Variants in TTLL3 observed in about 807,000 individuals in gnomAD.
TTLL3 encodes tubulin tyrosine ligase like 3, also known as tubulin monoglycylase TTLL3.
Under a neutral mutation model 75.2 loss-of-function variants are expected in TTLL3, and 63 were observed. The observed-to-expected ratio is 0.84, with a 90% CI of 0.68 to 1.03. The LOEUF (loss-of-function observed/expected upper bound fraction) is 1.03. Ranked by LOEUF, TTLL3 falls within the 50% of genes least tolerant of loss-of-function variation. TTLL3 has a pLI of 0.00. For synonymous variants in TTLL3, 393 were observed against 418.5 expected (o/e 0.94, Z 0.74); for missense variants, 997 against 1,069.9 (o/e 0.93, Z 0.95).
At chr3:9,812,539 C>T (rs1267436245) in intron 2 of TTLL3, among the ~76,000 whole-genome samples, 1 of 151,570 alleles carries the variant, frequency 6.6e-6, no homozygotes, top group Admixed American at 6.6e-5. Context: ...GGCGTGGTGG[C>T]ATACACCTGT....
In TTLL3 at chr3:9,829,260, C is replaced by A. The variant is rs767686533; in HGVS notation, c.1548C>A (p.Ser516Arg). 2 of 1,614,228 alleles carry A rather than the reference C, an allele frequency of 1.2e-6. No individual in the cohort carries two copies. The highest frequency in any genetic ancestry group is 2.2e-5 in the East Asian group (1 of 44,888). The change falls in exon 11 of 14, where the codon AGC becomes AGA. Residue 516 changes from serine to arginine, a missense_variant. Ser to Arg is a moderately radical substitution (Grantham distance 110). Transcript: ENST00000685419. ...FQPWLIEINASPTMAPSTAVT... is the reference protein window; with the variant it reads ...FQPWLIEINARPTMAPSTAVT... ...CCTGGCTGATTGAGATCAACGCCAG[C>A]CCCACGATGGCACCCTCCACAGCAG...
At chr3:9,834,197 C>G (rs938245262) in intron 12 of TTLL3, 2 of 346,240 alleles carry the variant, frequency 5.8e-6, no homozygotes, top group Non-Finnish European at 1.1e-5. Flanking sequence ...TGACTTATTT[C>G]AAAGATGACC....
At position 9,829,160 on chromosome 3, in the gene TTLL3, A is replaced by G. The variant is rs376362741; in HGVS notation, c.1448A>G (p.Gln483Arg). 4 of 1,614,094 alleles carry G rather than the reference A, an allele frequency of 2.5e-6. No individual in the cohort carries two copies. Among genetic ancestry groups the G allele is most frequent in the African/African-American group, 1.3e-5 (1 of 74,940 alleles). The change falls in exon 11 of 14, where the codon CAG (glutamine) becomes CGG (arginine). Residue 483 changes from glutamine to arginine, a missense_variant. Transcript: ENST00000685419. ...GTGATCCACGCACTTCAGACCTCCCAGGACACCGTGCAGTGTCGGAAGGCC... is the reference window on the plus strand; with the variant it reads ...GTGATCCACGCACTTCAGACCTCCCGGGACACCGTGCAGTGTCGGAAGGCC... ...DAVIHALQTS[Q>R]DTVQCRKASF...
chr3:9,824,119 G>A (rs748014614), intron 8 of TTLL3, among the ~76,000 whole-genome samples: 11 of 152,176 alleles, frequency 7.2e-5, no homozygotes, highest in South Asian at 2.1e-4. Flanking sequence ...CTGCTCTTAC[G>A]GAGTTTACAT....
chr3:9,824,052 C>A (rs1325388828), intron 8 of TTLL3, among the ~76,000 whole-genome samples: 1 of 152,126 alleles, frequency 6.6e-6, no homozygotes, highest in African/African-American at 2.4e-5. Flanking sequence ...CTGCTGAGTG[C>A]CAGGTGTGGT....
intron 8 of TTLL3, among the ~76,000 whole-genome samples, chr3:9,822,270 TGCAG>T (rs1191752628): frequency 6.6e-6 from 1 of 151,416 alleles, no homozygotes; most frequent in East Asian, 2.0e-4. Context: ...GGTTTCACTA[TGCAG>T]GCCAGACTGG....
At chr3:9,809,854 C>T, upstream of TTLL3, 1 of 561,562 alleles carries the variant, frequency 1.8e-6, no homozygotes, top group Non-Finnish European at 2.7e-6. Flanking sequence ...TGATGGTGCC[C>T]AGGGAATGGT....
chr3:9,819,036 C>T lies in TTLL3; in HGVS notation c.658+116C>T, dbSNP rs1315778985. The stretch of plus-strand genomic sequence containing the variant: ...CCACGCACCTACTGGTTCATCCACA[C>T]ATCTGTGTATGATTCACATCTACCC... On this transcript the variant is annotated intron_variant, in intron 7 of 13. Coordinates refer to ENST00000685419, the MANE Select transcript of TTLL3 (RefSeq NM_001387446.1). The T allele has an allele frequency of 9.0e-6, 12 of 1,328,644 alleles. 1 individual carries two copies. In the African/African-American group the frequency reaches 1.3e-4, roughly 14 times the overall value. 82.3% of individuals were successfully genotyped at this position (1,328,644 alleles called of 1,614,324 possible).
At position 9,820,748 on chromosome 3, in the gene TTLL3, C is replaced by A; in HGVS notation, c.854+7C>A. On this transcript the variant is annotated splice_region_variant and intron_variant, in intron 8 of 13. Coordinates refer to ENST00000685419, the MANE Select transcript of TTLL3 (RefSeq NM_001387446.1). ...GCTACTACCAAGTGGTCCAGTGAGT[C>A]CCCTGCAGCTGGGACTTTGGGCTGT... 4 of 1,613,608 alleles carry A rather than the reference C, an allele frequency of 2.5e-6. No homozygotes were observed. The highest frequency in any genetic ancestry group is 3.4e-6 in the Non-Finnish European group (4 of 1,179,790).
chr3:9,825,321 G>C (rs1324107959), intron 8 of TTLL3: 3 of 186,156 alleles, frequency 1.6e-5, no homozygotes, highest in African/African-American at 2.8e-5. Context: ...CTGGGTGACA[G>C]ACCAAGACCC....
Position 9,810,558 on chromosome 3 carries a change from C to T in TTLL3, c.-41-63C>T. ...GTGGCTATGGGCGGCCAGAAAAGAT[C>T]CTAGGCCGAGACCCTAGGCCCAGCC... On this transcript the variant is annotated intron_variant, in intron 1 of 13. Coordinates refer to ENST00000685419, the MANE Select transcript of TTLL3 (RefSeq NM_001387446.1). The surrounding 1 kb of genome is among the most constrained non-coding windows in gnomAD (Gnocchi z 4.4). The T allele has an allele frequency of 1.3e-6, 2 of 1,515,688 alleles. No homozygotes were observed. The highest frequency in any genetic ancestry group is 4.4e-5 in the Admixed American group (2 of 45,126). The allele number at this position is 1,515,688 out of a possible 1,614,324, so 93.9% of individuals were successfully genotyped here. A position where few individuals can be genotyped will look rare whatever the true frequency, so the allele number is the denominator to read the frequency against.
chr3:9,835,009 C>T lies in TTLL3; in HGVS notation c.2053-85C>T, dbSNP rs1014943832. On this transcript the variant is annotated intron_variant, in intron 13 of 13. Transcript: ENST00000685419. Reference sequence around the variant, plus strand: ...GCAGCTCCCAGGCTGGCTGGCACCCCAAGGGAAGAGCTGGTCTCCCTCAGA... The same window carrying T: ...GCAGCTCCCAGGCTGGCTGGCACCCTAAGGGAAGAGCTGGTCTCCCTCAGA... 5 of 1,599,086 alleles carry T rather than the reference C, an allele frequency of 3.1e-6. No individual in the cohort carries two copies. In the Admixed American group the frequency reaches 6.8e-5, roughly 22 times the overall value.
In TTLL3 at chr3:9,816,205, G is replaced by T; in HGVS notation, c.444+3G>T. Reference sequence around the variant, plus strand: ...GGGCTGGCTCCTTTACCACAAAGGTGGGCTCCCTAGAGGAGCAGGCAGGGC... The same window carrying T: ...GGGCTGGCTCCTTTACCACAAAGGTTGGCTCCCTAGAGGAGCAGGCAGGGC... On this transcript the variant is annotated splice_donor_region_variant and intron_variant, in intron 5 of 13. Transcript: ENST00000685419. 1.5e-6 allele frequency: 2 copies of T among 1,349,438 alleles called. No homozygotes were observed. The highest frequency in any genetic ancestry group is 2.0e-6 in the Non-Finnish European group (2 of 1,013,688). The allele number at this position is 1,349,438 out of a possible 1,614,324, so 83.6% of individuals were successfully genotyped here.
In TTLL3 at chr3:9,835,268, C is replaced by T. The variant is rs529471478; in HGVS notation, c.2227C>T (p.Leu743=). 57 of 1,614,202 alleles carry T rather than the reference C, an allele frequency of 3.5e-5. No homozygotes were observed. The South Asian group carries it at 5.6e-4, about 16-fold the overall frequency. The stretch of plus-strand genomic sequence containing the variant: ...CTGCCCCATGAAGAGGCTGAGCCCC[C>T]TGAAACCCCTGCCCCTTGTTGGTAC... The part of the protein sequence containing the change: ...EACPMKRLSP[L]KPLPLVGTFQ... Residue 743 remains leucine (L), a synonymous_variant, in exon 14 of 14, where the codon CTG becomes TTG. Coordinates refer to ENST00000685419, the MANE Select transcript of TTLL3 (RefSeq NM_001387446.1).
At chr3:9,822,518 C>T (rs1215182850) in intron 8 of TTLL3, among the ~76,000 whole-genome samples, 2 of 151,538 alleles carry the variant, frequency 1.3e-5, no homozygotes, top group Non-Finnish European at 2.9e-5. Context: ...CATTCATTCC[C>T]TCAATATTTT....
chr3:9,827,459 G>A, intron 10 of TTLL3: 3 of 772,848 alleles, frequency 3.9e-6, no homozygotes, highest in African/African-American at 1.8e-5. Flanking sequence ...CTGGAGTGCA[G>A]TGGCATGGTC....
In TTLL3 at chr3:9,833,090, C is replaced by T; in HGVS notation, c.1684-14C>T. On this transcript the variant is annotated splice_polypyrimidine_tract_variant and intron_variant, in intron 11 of 13. Transcript: ENST00000685419. ...ACTGACTGAGTGGGCCTTGTCTCCT[C>T]TTCTTGCCCACAGCCTGCTGTGGAG... is the stretch of plus-strand genomic sequence containing the variant. The T allele has an allele frequency of 6.2e-7, 1 of 1,613,978 alleles. No individual in the cohort carries two copies. Among genetic ancestry groups the T allele is most frequent in the Non-Finnish European group, 8.5e-7 (1 of 1,179,832 alleles).
At chr3:9,822,747 TAA>T (rs1491252534) in intron 8 of TTLL3, among the ~76,000 whole-genome samples, 38 of 142,042 alleles carry the variant, frequency 2.7e-4, no homozygotes, top group Non-Finnish European at 4.5e-4. Flanking sequence ...ATATATATTA[TAA>T]TATATATAAT....
At chr3:9,810,145 A>G, upstream of TTLL3, 4 of 1,475,362 alleles carry the variant, frequency 2.7e-6, no homozygotes, top group Non-Finnish European at 8.9e-7. The surrounding 1 kb of genome is among the most constrained non-coding windows in gnomAD (Gnocchi z 4.4). Flanking sequence ...CGAGCCACGC[A>G]CCAGTTTCCC....
Sources: gnomAD v4.1 joint callset for allele counts (sites outside exome capture counted in the v4.1 genomes callset) on GRCh38, gnomAD v4.1.1 for gene constraint, Gnocchi (gnomAD v3.1) non-coding constraint, MANE v1.5 for transcripts, NCBI Gene and HGNC (gene_info 2026-07-23, HGNC 2026-07-21) for gene names.